The following INSL6 variants were observed in gnomAD, a reference collection of about 807,000 sequenced individuals.
The protein encoded by INSL6 is insulin like 6.
INSL6 carries 16 observed loss-of-function variants against 9.4 expected under a neutral mutation model. That is an observed-to-expected ratio of 1.70 (90% CI 1.15 to 2.59). INSL6 has a LOEUF of 2.59. Ranked by LOEUF, INSL6 falls within the 30% of genes most tolerant of loss-of-function variation. The pLI is 0.00. For synonymous variants in INSL6, 154 were observed against 96.9 expected (o/e 1.59, Z -3.46); for missense variants, 391 against 257.3 (o/e 1.52, Z -3.56).
chr9:5,164,289 T>C (rs767904321), intron 1 of INSL6, 24 bp from the exon 2 acceptor site: 15 of 1,427,988 alleles, frequency 1.1e-5, no homozygotes, highest in Non-Finnish European at 9.7e-7. Flanking sequence ...AGAAAATAAA[T>C]GCTCCTTTAT....
At chr9:5,080,001 T>G in the INSL6 span, among the ~76,000 whole-genome samples, 2 of 152,204 alleles carry the variant, frequency 1.3e-5, no homozygotes, top group African/African-American at 2.4e-5. Flanking sequence ...CTCAATCATA[T>G]GTCTCCATGT....
intron 2 of INSL6, among the ~76,000 whole-genome samples, chr9:5,146,351 G>T (rs1277114281): frequency 6.6e-6 from 1 of 152,164 alleles, no homozygotes; most frequent in African/African-American, 2.4e-5. Flanking sequence ...GCATCGGAGT[G>T]CTAGTGGATT....
At chr9:5,177,361 G>A (rs1825333748) in intron 1 of INSL6, among the ~76,000 whole-genome samples, 1 of 152,178 alleles carries the variant, frequency 6.6e-6, no homozygotes, top group East Asian at 1.9e-4. Context: ...TTCTCCCAGA[G>A]ATCTCTGAAA....
chr9:5,076,300 A>G, the INSL6 span, among the ~76,000 whole-genome samples: 2 of 152,312 alleles, frequency 1.3e-5, no homozygotes, highest in Admixed American at 6.5e-5. Flanking sequence ...GCTATCAAAC[A>G]GCATTGCATG....
chr9:5,054,493 T>C, the INSL6 span: 1 of 1,343,230 alleles, frequency 7.4e-7, no homozygotes, highest in African/African-American at 1.5e-5. This position sits in a 1 kb window ranked among gnomAD's most constrained non-coding sequence, Gnocchi z 4.9. Flanking sequence ...TAACTTCTTT[T>C]TCAATTTTTA....
chr9:5,068,519 C>T, the INSL6 span, among the ~76,000 whole-genome samples: 1 of 152,066 alleles, frequency 6.6e-6, no homozygotes, highest in African/African-American at 2.4e-5. Flanking sequence ...AGGTTCATTG[C>T]TCAGAAGAAG....
chr9:5,123,236 G>C, downstream of INSL6: 2 of 614,356 alleles, frequency 3.3e-6, no homozygotes, highest in Non-Finnish European at 5.8e-6. Flanking sequence ...GGTGAAGTCA[G>C]AGCTTTTAGG....
chr9:5,042,857 G>C, the INSL6 span, among the ~76,000 whole-genome samples: 8 of 152,230 alleles, frequency 5.3e-5, no homozygotes. Flanking sequence ...ACCAAAGCTC[G>C]GTCGCCACAG....
the INSL6 span, among the ~76,000 whole-genome samples, chr9:5,055,499 A>G: frequency 6.6e-6 from 1 of 152,040 alleles, no homozygotes; most frequent in South Asian, 2.1e-4. Flanking sequence ...AAGATACAGC[A>G]TAGTCTTAGG....
chr9:5,103,791 A>C, the INSL6 span, among the ~76,000 whole-genome samples: 1 of 152,228 alleles, frequency 6.6e-6, no homozygotes, highest in Non-Finnish European at 1.5e-5. Context: ...CTTCATGGAA[A>C]TTGAACAACC....
chr9:5,067,581 A>G, the INSL6 span, among the ~76,000 whole-genome samples: 1 of 152,164 alleles, frequency 6.6e-6, no homozygotes, highest in South Asian at 2.1e-4. Context: ...AAAACTGGTA[A>G]TCTATCCTAA....
intron 3 of INSL6, among the ~76,000 whole-genome samples, chr9:5,125,709 ATATTT>A (rs1470658727): frequency 5.9e-5 from 4 of 67,454 alleles, no homozygotes; most frequent in Non-Finnish European, 1.1e-4. Flanking sequence ...GAAGTTATAT[ATATTT>A]TAATTTCCAT....
At chr9:5,078,177 T>C in the INSL6 span, 1 of 689,228 alleles carries the variant, frequency 1.5e-6, no homozygotes, top group South Asian at 2.6e-5. Flanking sequence ...TTTTTCTCAA[T>C]GCATGCCTCC....
the INSL6 span, chr9:5,114,717 C>T: frequency 2.6e-6 from 1 of 381,308 alleles, no homozygotes; most frequent in South Asian, 2.1e-5. Context: ...TGAATGGGAA[C>T]AGAAAAACGA....
chr9:5,152,362 T>C (rs547080989), intron 2 of INSL6, among the ~76,000 whole-genome samples: 36 of 152,240 alleles, frequency 2.4e-4, no homozygotes, highest in Non-Finnish European at 3.1e-4. Flanking sequence ...TTTTAAAATA[T>C]TGTCAACAAC....
intron 1 of INSL6, among the ~76,000 whole-genome samples, chr9:5,171,954 C>T (rs1315010112): frequency 2.0e-5 from 3 of 152,118 alleles, no homozygotes; most frequent in East Asian, 1.9e-4. Context: ...TAACTACCAT[C>T]GACATTCTTC....
chr9:5,121,052 G>A (rs1465903884), downstream of INSL6, among the ~76,000 whole-genome samples: 9 of 152,140 alleles, frequency 5.9e-5, no homozygotes, highest in Non-Finnish European at 4.4e-5. Flanking sequence ...TTAACCAAGA[G>A]AGGAATAAAT....
chr9:5,038,664 A>C, the INSL6 span, among the ~76,000 whole-genome samples: 1 of 151,988 alleles, frequency 6.6e-6, no homozygotes, highest in Non-Finnish European at 1.5e-5. Context: ...ACCTAATATA[A>C]AAATCTAAAG....
chr9:5,148,028 T>C (rs1466603214), intron 2 of INSL6, among the ~76,000 whole-genome samples: 1 of 152,210 alleles, frequency 6.6e-6, no homozygotes, highest in Admixed American at 6.5e-5. Context: ...CTGAATTCCA[T>C]ATCTGCCATT....
Sources: allele counts gnomAD v4.1 joint callset (sites outside exome capture counted in the v4.1 genomes callset), GRCh38; gene constraint gnomAD v4.1.1; non-coding constraint Gnocchi (gnomAD v3.1); transcripts MANE v1.5; gene names NCBI Gene and HGNC (gene_info 2026-07-23, HGNC 2026-07-21).